The following DRC5 variants were observed in gnomAD, a reference collection of about 807,000 sequenced individuals.
DRC5 encodes the protein T-complex-associated testis-expressed protein 1.
chr6:44,293,306 CAAAAAAAA>C, the DRC5 span, among the ~76,000 whole-genome samples: 4 of 88,878 alleles, frequency 4.5e-5, no homozygotes, highest in Non-Finnish European at 8.9e-5. Flanking sequence ...ACTATCCTCT[CAAAAAAAA>C]AAAAAAAAAA....
chr6:44,295,934 G>A, the DRC5 span, among the ~76,000 whole-genome samples: 1 of 152,130 alleles, frequency 6.6e-6, no homozygotes, highest in African/African-American at 2.4e-5. Flanking sequence ...TATAGTGCTG[G>A]GCCCAGAGCC....
the DRC5 span, among the ~76,000 whole-genome samples, chr6:44,292,216 AT>A: frequency 6.6e-6 from 1 of 152,214 alleles, no homozygotes; most frequent in Non-Finnish European, 1.5e-5. Context: ...TCCTCTTTGC[AT>A]CTGGGACATT....
the DRC5 span, among the ~76,000 whole-genome samples, chr6:44,281,870 T>A: frequency 6.6e-6 from 1 of 152,230 alleles, no homozygotes; most frequent in Non-Finnish European, 1.5e-5. Context: ...GAAAGTAGGG[T>A]TAAATATACT....
the DRC5 span, chr6:44,285,911 G>A: frequency 6.1e-6 from 9 of 1,479,562 alleles, no homozygotes; most frequent in South Asian, 2.5e-5. Flanking sequence ...AGGGGAGAGG[G>A]AATCTGAGAG....
chr6:44,281,064 T>C, the DRC5 span, among the ~76,000 whole-genome samples: 1 of 152,194 alleles, frequency 6.6e-6, no homozygotes, highest in Non-Finnish European at 1.5e-5. Flanking sequence ...TGTGTGCGTG[T>C]ATGTGCCTGT....
the DRC5 span, among the ~76,000 whole-genome samples, chr6:44,294,788 A>AAG: frequency 3.3e-5 from 5 of 151,090 alleles, no homozygotes; most frequent in South Asian, 2.1e-4. Flanking sequence ...AAAAAAAAAA[A>AAG]AAAAAGAAAG....
chr6:44,281,980 T>C, the DRC5 span: 3 of 859,296 alleles, frequency 3.5e-6, no homozygotes, highest in African/African-American at 3.4e-5. Context: ...ATCATTGGGA[T>C]ACACAGTATG....
At chr6:44,280,062 C>T in the DRC5 span, 3 of 938,548 alleles carry the variant, frequency 3.2e-6, no homozygotes, top group Non-Finnish European at 5.0e-6. Flanking sequence ...TTGATCACTC[C>T]AAGGTTATTC....
chr6:44,278,893 A>ACACACC, the DRC5 span: 13 of 149,458 alleles, frequency 8.7e-5, no homozygotes, highest in African/African-American at 2.2e-4. Flanking sequence ...ACACACACAC[A>ACACACC]CCCTCACACC....
the DRC5 span, among the ~76,000 whole-genome samples, chr6:44,292,398 C>T: frequency 2.0e-5 from 3 of 152,164 alleles, no homozygotes; most frequent in African/African-American, 7.2e-5. Flanking sequence ...CCAAAACAAC[C>T]CCTCCCGTTG....
At chr6:44,286,162 G>T in the DRC5 span, 1 of 1,613,414 alleles carries the variant, frequency 6.2e-7, no homozygotes, top group Non-Finnish European at 8.5e-7. Flanking sequence ...TCTCTCCCTC[G>T]CTGCCTGAGT....
At chr6:44,288,594 G>A in the DRC5 span, among the ~76,000 whole-genome samples, 1 of 152,190 alleles carries the variant, frequency 6.6e-6, no homozygotes, top group Non-Finnish European at 1.5e-5. Context: ...TGCCTGATCC[G>A]TAGGATGGGG....
the DRC5 span, among the ~76,000 whole-genome samples, chr6:44,291,853 C>T: frequency 2.0e-5 from 3 of 152,156 alleles, no homozygotes; most frequent in African/African-American, 4.8e-5. Context: ...AAACTCAATC[C>T]ATCCAGATGC....
chr6:44,297,270 G>C, the DRC5 span, among the ~76,000 whole-genome samples: 1 of 152,230 alleles, frequency 6.6e-6, no homozygotes, highest in Non-Finnish European at 1.5e-5. Context: ...TCGGGTGATG[G>C]GAACGGACGG....
the DRC5 span, chr6:44,287,222 G>A: frequency 1.1e-3 from 1,125 of 985,258 alleles, 2 homozygotes; most frequent in Non-Finnish European, 1.3e-3. Context: ...AGTAGAGGGC[G>A]GTTCACTTGG....
the DRC5 span, among the ~76,000 whole-genome samples, chr6:44,286,944 G>A: frequency 6.6e-6 from 1 of 152,236 alleles, no homozygotes; most frequent in African/African-American, 2.4e-5. Flanking sequence ...AGACTACTAT[G>A]TCCCACGTGC....
At chr6:44,282,290 G>A in the DRC5 span, 16 of 1,614,266 alleles carry the variant, frequency 9.9e-6, no homozygotes, top group Non-Finnish European at 1.4e-5. Context: ...CCTCGATGCA[G>A]TTGAGACGTA....
chr6:44,296,635 T>C, the DRC5 span, among the ~76,000 whole-genome samples: 1 of 122,094 alleles, frequency 8.2e-6, no homozygotes, highest in East Asian at 2.3e-4. Flanking sequence ...CCCTCCTCCC[T>C]TCCTCTTAGT....
At chr6:44,286,608 T>C in the DRC5 span, 2 of 1,357,282 alleles carry the variant, frequency 1.5e-6, no homozygotes, top group Admixed American at 4.1e-5. Context: ...AGGCTGGGCC[T>C]GCCTGGGAGC....
Sources: gnomAD v4.1 joint callset for allele counts (sites outside exome capture counted in the v4.1 genomes callset) on GRCh38, gnomAD v4.1.1 for gene constraint, MANE v1.5 for transcripts, NCBI Gene and HGNC (gene_info 2026-07-23, HGNC 2026-07-21) for gene names.